Variants in HSPD1 observed in about 807,000 individuals in gnomAD.
HSPD1 encodes heat shock protein family D (Hsp60) member 1, also known as 60 kDa heat shock protein, mitochondrial.
In HSPD1, 3 loss-of-function variants were observed where a neutral mutation model predicts 53.0. The ratio of observed to expected loss-of-function variants is 0.06; its 90% CI spans 0.03 to 0.15. HSPD1 has a LOEUF of 0.15. HSPD1 is among the 10% of genes least tolerant of loss of function. The pLI, the probability that HSPD1 is intolerant of heterozygous loss-of-function variation, is 1.00. For synonymous variants in HSPD1, 200 were observed against 228.0 expected (o/e 0.88, Z 1.10); for missense variants, 431 against 694.1 (o/e 0.62, Z 4.26).
chr2:197,497,639 G>T, intron 2 of HSPD1: 1 of 534,000 alleles, frequency 1.9e-6, no homozygotes, highest in Non-Finnish European at 3.4e-6. Context: ...AAAATCCTAG[G>T]GACTAAAACT....
intron 11 of HSPD1, 150 bp from the exon 12 acceptor site, chr2:197,487,348 A>G (rs1574595635): frequency 7.1e-6 from 5 of 707,810 alleles, no homozygotes; most frequent in Non-Finnish European, 1.0e-5. Flanking sequence ...GGAGTTCAAG[A>G]CCAGCCTGGC....
chr2:197,491,713 T>G lies in HSPD1; in HGVS notation c.870-1417A>C, dbSNP rs527923607. ...TCTGCAGCATGAACATTACCTGTCT[T>G]AAAGTTTAAACTAATAGTAAACTAT... On this transcript the variant is annotated intron_variant, in intron 7 of 11. Transcript: ENST00000388968. 3.8e-4 allele frequency among the ~76,000 whole-genome samples: 58 copies of G among 152,362 alleles called. 1 individual carries two copies. Among genetic ancestry groups the G allele is most frequent in the African/African-American group, 1.3e-3 (54 of 41,582 alleles).
Position 197,494,776 on chromosome 2 carries a change from G to A in HSPD1, c.511-24C>T, listed in dbSNP as rs754660456. On this transcript the variant is annotated intron_variant, in intron 4 of 11. Coordinates refer to ENST00000388968, the MANE Select transcript of HSPD1 (RefSeq NM_002156.5). ...ACCTGAAATAATCCAGTTACTCTTC[G>A]AAATTAAAAGGTAAGCCTAGTGTCC... The A allele has an allele frequency of 4.7e-6, 7 of 1,494,584 alleles. No homozygotes were observed. In the East Asian group the frequency reaches 6.8e-5, roughly 14 times the overall value. The allele number at this position is 1,494,584 out of a possible 1,614,324, so 92.6% of individuals were successfully genotyped here.
intron 6 of HSPD1, 154 bp downstream of exon 6, chr2:197,494,003 G>A: frequency 1.8e-6 from 1 of 561,684 alleles, no homozygotes; most frequent in South Asian, 2.2e-5. Context: ...TTGGGAGACT[G>A]AGGCAAGAGA....
chr2:197,493,399 T>G lies in HSPD1; in HGVS notation c.794A>C (p.Asn265Thr). The stretch of plus-strand genomic sequence containing the variant: ...TATGACCAAAGGCTTACGGTGAGCA[T>G]TGGCAATTTCAAGAGCAGGTACAAT... ...QSIVPALEIA[N>T]AHRKPLVIIA... Residue 265 changes from asparagine to threonine, a missense_variant, in exon 7 of 12, where the codon AAT becomes ACT. This residue lies in a region of HSPD1 where 386 missense variants were observed against 657.6 expected (regional missense o/e 0.59). Coordinates refer to ENST00000388968, the MANE Select transcript of HSPD1 (RefSeq NM_002156.5). The G allele has an allele frequency of 6.2e-7, 1 of 1,613,900 alleles. No homozygotes were observed. Among genetic ancestry groups the G allele is most frequent in the Non-Finnish European group, 8.5e-7 (1 of 1,179,840 alleles).
chr2:197,496,926 CAACT>C lies in HSPD1; in HGVS notation c.427+210_427+213del, dbSNP rs146499808. Reference sequence around the variant, plus strand: ...CCCTGTCTCTAAAAACAAAAGAAACCAACTAAGTAAAATATCAAAATTACCTAAC... The same window carrying C: ...CCCTGTCTCTAAAAACAAAAGAAACCAAGTAAAATATCAAAATTACCTAAC... On this transcript the variant is annotated intron_variant, in intron 3 of 11. Transcript: ENST00000388968. 0.18 allele frequency: 104,947 copies of C among 590,074 alleles called. 9,827 individuals are homozygous for C. Among genetic ancestry groups the C allele is most frequent in the Middle Eastern group, 0.24 (818 of 3,378 alleles). The allele number at this position is 590,074 out of a possible 1,614,324, so 36.6% of individuals were successfully genotyped here.
At chr2:197,499,124 A>T (rs1192499155) in intron 1 of HSPD1, 6 of 524,796 alleles carry the variant, frequency 1.1e-5, no homozygotes, top group Non-Finnish European at 2.1e-5. Context: ...TGCCGCCAAA[A>T]ACGAGTTAAT....
chr2:197,490,063 A>T, intron 8 of HSPD1, 134 bp downstream of exon 8: 1 of 741,862 alleles, frequency 1.3e-6, no homozygotes, highest in Non-Finnish European at 2.4e-6. Context: ...ACGGGAATTT[A>T]ATCCAACCCC....
In HSPD1 at chr2:197,488,404, C is replaced by T. The variant is rs1452949081; in HGVS notation, c.1303G>A (p.Gly435Ser). 2 of 1,613,708 alleles carry T rather than the reference C, an allele frequency of 1.2e-6. No individual in the cohort carries two copies. The highest frequency in any genetic ancestry group is 1.7e-6 in the Non-Finnish European group (2 of 1,179,754). ...GCACAACCCCCTCCCAAAACAATGC[C>T]TTCTTCAACAGCAGCTCTTGTAGCA... ...LNATRAAVEE[G>S]IVLGGGCALL... The change falls in exon 10 of 12, where the codon GGC (glycine) becomes AGC (serine). Residue 435 changes from glycine to serine, a missense_variant. Coordinates refer to ENST00000388968, the MANE Select transcript of HSPD1 (RefSeq NM_002156.5).
intron 4 of HSPD1, 94 bp downstream of exon 4, chr2:197,495,200 T>C (rs1190129848): frequency 9.5e-6 from 7 of 738,262 alleles, no homozygotes; most frequent in South Asian, 5.9e-5. Flanking sequence ...TTGGGTAGTA[T>C]TGTTATTCTG....
chr2:197,488,590 T>G (rs2086054134), intron 9 of HSPD1, 99 bp from the exon 10 acceptor site: 2 of 1,096,820 alleles, frequency 1.8e-6, no homozygotes, highest in Admixed American at 3.4e-5. Context: ...AATCCTGAGG[T>G]GGGCGTGGTG....
Position 197,497,282 on chromosome 2 carries a change from A to G in HSPD1, c.285T>C (p.Ala95=). Residue 95 remains alanine, a synonymous_variant, in exon 3 of 12, where the codon GCT becomes GCC. Coordinates refer to ENST00000388968, the MANE Select transcript of HSPD1 (RefSeq NM_002156.5). ...DLKDKYKNIG[A]KLVQDVANNT... ...TATTGGCAACATCTTGAACAAGTTT[A>G]GCTCCAATGTTTTTGTATTTATCTT... 1.2e-6 allele frequency: 2 copies of G among 1,614,088 alleles called. No individual in the cohort carries two copies. Among genetic ancestry groups the G allele is most frequent in the Non-Finnish European group, 1.7e-6 (2 of 1,179,904 alleles).
chr2:197,488,103 G>T, intron 10 of HSPD1, 67 bp from the exon 11 acceptor site: 2 of 1,226,374 alleles, frequency 1.6e-6, no homozygotes, highest in Non-Finnish European at 2.3e-6. Context: ...TTTATAAGTT[G>T]TGAGGATATT....
intron 3 of HSPD1, 85 bp downstream of exon 3, chr2:197,497,055 G>A: frequency 7.5e-7 from 1 of 1,336,364 alleles, no homozygotes; most frequent in Non-Finnish European, 1.1e-6. Flanking sequence ...ATTTCCTCAA[G>A]TTAACACTTT....
At chr2:197,492,111 C>T (rs189980252) in intron 7 of HSPD1, among the ~76,000 whole-genome samples, 42 of 152,288 alleles carry the variant, frequency 2.8e-4, no homozygotes, top group East Asian at 2.1e-3. Flanking sequence ...GAGCTATGAT[C>T]GTGCCGCCGC....
At position 197,487,881 on chromosome 2, in the gene HSPD1, T is replaced by G. The variant is rs2086045714; in HGVS notation, c.1546A>C (p.Lys516Gln). 1 of 1,613,710 alleles carries G rather than the reference T, an allele frequency of 6.2e-7. No homozygotes were observed. The highest frequency in any genetic ancestry group is 1.7e-5 in the Admixed American group (1 of 60,002). Residue 516 changes from lysine (K) to glutamine (Q), a missense_variant, in exon 11 of 12, where the codon AAA (lysine) becomes CAA (glutamine). By Grantham distance (53) the Lys-to-Gln change is moderately conservative. This residue lies in a region of HSPD1 where 386 missense variants were observed against 657.6 expected (regional missense o/e 0.59). Coordinates refer to ENST00000388968, the MANE Select transcript of HSPD1 (RefSeq NM_002156.5). Reference sequence around the variant, plus strand: ...ACCTTTGTTGGGTCAATGATTCCTTTTTCCACCATATTCACAAAATCTCCA... The same window carrying G: ...ACCTTTGTTGGGTCAATGATTCCTTGTTCCACCATATTCACAAAATCTCCA... ...MAGDFVNMVE[K>Q]GIIDPTKVVR... is the part of the protein sequence containing the mutation.
chr2:197,488,056 A>T lies in HSPD1; in HGVS notation c.1391-20T>A. 1.3e-6 allele frequency: 2 copies of T among 1,496,180 alleles called. No individual in the cohort carries two copies. The highest frequency in any genetic ancestry group is 1.8e-5 in the Admixed American group (1 of 54,358). 92.7% of individuals were successfully genotyped at this position (1,496,180 alleles called of 1,614,324 possible). A position where few individuals can be genotyped will look rare whatever the true frequency, so the allele number is the denominator to read the frequency against. On this transcript the variant is annotated intron_variant, in intron 10 of 11. Coordinates refer to ENST00000388968, the MANE Select transcript of HSPD1 (RefSeq NM_002156.5). ...CTATACCTACAGAGAAATTTCAGCAAAATTTTAATACTTTCATTTGTAAAT... is the reference window on the plus strand; with the variant it reads ...CTATACCTACAGAGAAATTTCAGCATAATTTTAATACTTTCATTTGTAAAT...
chr2:197,487,716 A>G, intron 11 of HSPD1, 142 bp downstream of exon 11: 1 of 699,764 alleles, frequency 1.4e-6, no homozygotes, highest in Non-Finnish European at 2.6e-6. Flanking sequence ...GTACATGAGA[A>G]TTGTTGATGG....
chr2:197,489,760 C>T (rs112213211), intron 8 of HSPD1, among the ~76,000 whole-genome samples: 4,665 of 151,922 alleles, frequency 0.031, 232 homozygotes, highest in African/African-American at 0.1. Flanking sequence ...GAGGCTGAGA[C>T]GGGAGGATTG....
Sources: allele counts gnomAD v4.1 joint callset (sites outside exome capture counted in the v4.1 genomes callset), GRCh38; gene constraint gnomAD v4.1.1; regional missense constraint gnomAD v4.1.1; transcripts MANE v1.5; gene names NCBI Gene and HGNC (gene_info 2026-07-23, HGNC 2026-07-21).